ESR1: variants seen among roughly 807,000 people sequenced by gnomAD.
ESR1 encodes the protein estrogen receptor 1, also known as estrogen receptor.
A neutral mutation model predicts 52.7 loss-of-function variants in ESR1; 12 were observed. The observed-to-expected ratio is 0.23, with a 90% CI of 0.15 to 0.37. The LOEUF is 0.37. ESR1 is among the 10% of genes least tolerant of loss of function. ESR1 has a pLI of 1.00. For missense variants in ESR1, 584 were observed against 779.7 expected (o/e 0.75, Z 2.99); for synonymous variants, 305 against 316.8 (o/e 0.96, Z 0.39).
intron 2 of ESR1, among the ~76,000 whole-genome samples, chr6:151,776,980 G>A (rs1394851760): frequency 6.6e-6 from 1 of 152,054 alleles, no homozygotes; most frequent in Non-Finnish European, 1.5e-5. Flanking sequence ...TATGGGATAG[G>A]CAAAAAGGTA....
chr6:151,706,181 C>T (rs780603144), intron 2 of ESR1, among the ~76,000 whole-genome samples: 2 of 152,188 alleles, frequency 1.3e-5, no homozygotes, highest in Non-Finnish European at 2.9e-5. Context: ...CTTCCTATTG[C>T]GACATTCAGC....
chr6:151,760,029 A>G (rs1378629519), intron 2 of ESR1, among the ~76,000 whole-genome samples: 1 of 152,234 alleles, frequency 6.6e-6, no homozygotes, highest in Non-Finnish European at 1.5e-5. Context: ...AACCTAACTG[A>G]AACACACATG....
chr6:151,709,606 G>T (rs149123806), intron 2 of ESR1, among the ~76,000 whole-genome samples: 3 of 152,024 alleles, frequency 2.0e-5, no homozygotes, highest in African/African-American at 4.8e-5. Context: ...TCTTTACTCC[G>T]CATCCTTGCC....
intron 6 of ESR1, among the ~76,000 whole-genome samples, chr6:152,088,378 A>G (rs1249966852): frequency 6.6e-6 from 1 of 152,188 alleles, no homozygotes; most frequent in Non-Finnish European, 1.5e-5. Flanking sequence ...GTATGATAAA[A>G]GGAGAGAAAA....
chr6:151,790,738 C>G (rs1461850469), intron 2 of ESR1, among the ~76,000 whole-genome samples: 6 of 152,006 alleles, frequency 3.9e-5, no homozygotes, highest in Non-Finnish European at 7.4e-5. Flanking sequence ...GAACATGTTC[C>G]AGCTTTTTTA....
At chr6:152,078,091 A>G (rs920646182) in intron 6 of ESR1, among the ~76,000 whole-genome samples, 3 of 152,168 alleles carry the variant, frequency 2.0e-5, no homozygotes, top group African/African-American at 7.2e-5. Context: ...CCATAATTCC[A>G]AAGTGTTGTG....
At chr6:151,879,901 A>G (rs1486683132) in intron 2 of ESR1, among the ~76,000 whole-genome samples, 1 of 152,116 alleles carries the variant, frequency 6.6e-6, no homozygotes, top group Non-Finnish European at 1.5e-5. Flanking sequence ...GCATGTGAGT[A>G]CCGACTTAAA....
intron 1 of ESR1, among the ~76,000 whole-genome samples, chr6:151,682,375 C>T (rs1778495192): frequency 6.6e-6 from 1 of 152,144 alleles, no homozygotes; most frequent in Admixed American, 6.5e-5. Context: ...ATTGGATCTC[C>T]CTGGAGGGAG....
intron 6 of ESR1, among the ~76,000 whole-genome samples, chr6:152,079,374 C>T (rs1246932806): frequency 1.3e-5 from 2 of 152,168 alleles, no homozygotes; most frequent in Non-Finnish European, 2.9e-5. Context: ...CCAGCAAACT[C>T]CAACAGGCCT....
intron 6 of ESR1, among the ~76,000 whole-genome samples, chr6:152,070,783 G>A (rs2048296463): frequency 7.2e-6 from 1 of 139,030 alleles, no homozygotes; most frequent in African/African-American, 3.1e-5. Context: ...CCGCCAGAGG[G>A]CCCGTGGCTG....
At chr6:151,786,630 A>AT (rs1425774842) in intron 2 of ESR1, among the ~76,000 whole-genome samples, 2 of 151,452 alleles carry the variant, frequency 1.3e-5, no homozygotes, top group African/African-American at 2.4e-5. Flanking sequence ...ACTTTGGTTG[A>AT]TTTTTTAAAA....
At chr6:152,112,194 T>C (rs1056493215) in intron 6 of ESR1, among the ~76,000 whole-genome samples, 4 of 152,162 alleles carry the variant, frequency 2.6e-5, no homozygotes, top group Non-Finnish European at 4.4e-5. Context: ...TCAAGGCAGC[T>C]CCAGGCTTCT....
intron 1 of ESR1, among the ~76,000 whole-genome samples, chr6:151,700,506 T>C (rs1055436150): frequency 6.6e-6 from 1 of 152,230 alleles, no homozygotes; most frequent in South Asian, 2.1e-4. Flanking sequence ...TGAGGACCAG[T>C]GTGGTATTTT....
intron 1 of ESR1, among the ~76,000 whole-genome samples, chr6:151,823,794 C>T (rs951672415): frequency 2.6e-5 from 4 of 152,202 alleles, no homozygotes; most frequent in African/African-American, 9.6e-5. Context: ...CTACAAAGAA[C>T]ATGAACTCAT....
At position 151,750,787 on chromosome 6, in the gene ESR1, G is replaced by A. The variant is rs144820397; in HGVS notation, c.-71+48782G>A. Reference sequence around the variant, plus strand: ...TTCTGAAAACCAGGCTTAATTTTATGACTGTGATTAGAAAGTTGAAAAAAA... The same window carrying A: ...TTCTGAAAACCAGGCTTAATTTTATAACTGTGATTAGAAAGTTGAAAAAAA... On this transcript the variant is annotated intron_variant, in intron 2 of 2. Coordinates refer to the ESR1 transcript ENST00000404742. Among the ~76,000 whole-genome samples the A allele has an allele frequency of 2.1e-3, 325 of 152,168 alleles. 2 individuals are homozygous for A. The highest frequency in any genetic ancestry group is 7.0e-3 in the African/African-American group (289 of 41,522).
At chr6:151,982,553 C>T (rs999491529) in intron 4 of ESR1, among the ~76,000 whole-genome samples, 7 of 149,670 alleles carry the variant, frequency 4.7e-5, no homozygotes, top group Non-Finnish European at 7.4e-5. Flanking sequence ...GGTGTGATCT[C>T]GGCTCACTGC....
At chr6:152,119,960 A>C (rs1327896018) in intron 6 of ESR1, among the ~76,000 whole-genome samples, 1 of 152,090 alleles carries the variant, frequency 6.6e-6, no homozygotes, top group African/African-American at 2.4e-5. Flanking sequence ...AATCTTCAAA[A>C]ATGTAATGGA....
upstream of ESR1, among the ~76,000 whole-genome samples, chr6:151,686,576 T>C (rs1008059847): frequency 1.3e-5 from 2 of 152,148 alleles, no homozygotes. Context: ...TAGTCCCAGC[T>C]ACTCAGAAGG....
chr6:151,789,813 G>A (rs1441932317), intron 2 of ESR1, among the ~76,000 whole-genome samples: 3 of 152,170 alleles, frequency 2.0e-5, no homozygotes, highest in African/African-American at 7.2e-5. Context: ...CAGTGTAATG[G>A]AGGAAGATGG....
Sources: gnomAD v4.1 joint callset for allele counts (sites outside exome capture counted in the v4.1 genomes callset) on GRCh38, gnomAD v4.1.1 for gene constraint, MANE v1.5 for transcripts, NCBI Gene and HGNC (gene_info 2026-07-23, HGNC 2026-07-21) for gene names.